The following MEX3A variants were observed in gnomAD, a reference collection of about 807,000 sequenced individuals.
MEX3A encodes RNA-binding protein MEX3A.
In MEX3A, 4 loss-of-function variants were observed where a neutral mutation model predicts 30.0. The ratio of observed to expected loss-of-function variants is 0.13; its 90% confidence interval spans 0.07 to 0.30. MEX3A has a LOEUF of 0.30. Among genes scored for constraint, MEX3A ranks in the 10% least tolerant of loss-of-function variants. The probability of loss-of-function intolerance (pLI) is 1.00; values close to 1 mark genes in which losing one functional copy is unlikely to be tolerated. For synonymous variants in MEX3A, 335 were observed against 327.6 expected (o/e 1.02, Z -0.24); for missense variants, 555 against 736.7 (o/e 0.75, Z 2.86).
rs1382204216 is a variant in MEX3A, at chr1:156,076,454, A to G, written c.*120T>C. The G allele has an allele frequency of 6.7e-6, 7 of 1,042,000 alleles. No homozygotes were observed. The Admixed American group carries it at 2.1e-4, about 32-fold the overall frequency. 64.5% of individuals were successfully genotyped at this position (1,042,000 alleles called of 1,614,324 possible). A position where few individuals can be genotyped will look rare whatever the true frequency, so the allele number is the denominator to read the frequency against. On this transcript the variant is annotated 3_prime_UTR_variant, in exon 2 of 2. Transcript: ENST00000532414. The surrounding 1 kb of genome is among the most constrained non-coding windows in gnomAD (Gnocchi z 6.0). Reference sequence around the variant, plus strand: ...CCACTGCCTCCCTCCCCCCTTCCCCAGCGAGCGAGTATCTCTAAGCACCTT... The same window carrying G: ...CCACTGCCTCCCTCCCCCCTTCCCCGGCGAGCGAGTATCTCTAAGCACCTT...
At chr1:156,079,267 G>A (rs1158028210) in intron 1 of MEX3A, among the ~76,000 whole-genome samples, 1 of 151,896 alleles carries the variant, frequency 6.6e-6, no homozygotes, top group Non-Finnish European at 1.5e-5. Flanking sequence ...AGGCTGGAGT[G>A]CAGTGGCATA....
Position 156,075,944 on chromosome 1 carries a change from G to C in MEX3A, c.*630C>G, listed in dbSNP as rs1572298021. The C allele has an allele frequency of 6.6e-6, 1 of 152,578 alleles. No homozygotes were observed. The highest frequency in any genetic ancestry group is 1.5e-5 in the Non-Finnish European group (1 of 68,194). The allele number at this position is 152,578 out of a possible 1,614,324, so 9.5% of individuals were successfully genotyped here. A position where few individuals can be genotyped will look rare whatever the true frequency, so the allele number is the denominator to read the frequency against. On this transcript the variant is annotated 3_prime_UTR_variant, in exon 2 of 2. Coordinates refer to ENST00000532414, the MANE Select transcript of MEX3A (RefSeq NM_001093725.2). ...AGCTTTGTGGGGACAGATGGCTTCT[G>C]AGCCTTTCAGCCACAGAAACGATTG...
At chr1:156,081,175 G>C (rs1322963620) in intron 1 of MEX3A, among the ~76,000 whole-genome samples, 1 of 152,262 alleles carries the variant, frequency 6.6e-6, no homozygotes, top group Non-Finnish European at 1.5e-5. Flanking sequence ...CCTAGGAGCA[G>C]ATACCAGAGT....
chr1:156,081,123 A>G (rs1648216833), intron 1 of MEX3A, among the ~76,000 whole-genome samples: 1 of 152,056 alleles, frequency 6.6e-6, no homozygotes, highest in Non-Finnish European at 1.5e-5. Context: ...CAAAGTCTGT[A>G]ACTCCAGGCG....
chr1:156,082,012 C>T lies in MEX3A; in HGVS notation c.-14G>A, dbSNP rs977473744. ...TAGACTAGGCATGGCGAAACAAAAG[C>T]TGGGGGAGAGAGAGAGGGAGAGAGA... On this transcript the variant is annotated 5_prime_UTR_variant, in exon 1 of 2. Coordinates refer to ENST00000532414, the MANE Select transcript of MEX3A (RefSeq NM_001093725.2). The T allele has an allele frequency of 3.8e-6, 5 of 1,317,430 alleles. No homozygotes were observed. The African/African-American group carries it at 6.4e-5, about 17-fold the overall frequency. The allele number at this position is 1,317,430 out of a possible 1,614,324, so 81.6% of individuals were successfully genotyped here. A position where few individuals can be genotyped will look rare whatever the true frequency, so the allele number is the denominator to read the frequency against.
chr1:156,081,521 C>T (rs1375887946), intron 1 of MEX3A, 24 bp downstream of exon 1: 2 of 1,597,522 alleles, frequency 1.3e-6, no homozygotes, highest in South Asian at 1.1e-5. Context: ...CAGTCCCTCT[C>T]AGTGGTCCCG....
In MEX3A at chr1:156,077,325, G is replaced by A. The variant is rs1414479211; in HGVS notation, c.812C>T (p.Thr271Met). Residue 271 changes from threonine (T) to methionine (M), a missense_variant, in exon 2 of 2, where the codon ACG becomes ATG. Physicochemically the swap from Thr to Met is moderately conservative, Grantham distance 81 (BLOSUM62 -1). Transcript: ENST00000532414. This position sits in a 1 kb window ranked among gnomAD's most constrained non-coding sequence, Gnocchi z 8.3. ...SRDRDPVFEI[T>M]GAPGNVERAR... ...ACGCTCCACGTTGCCTGGGGCACCC[G>A]TGATCTCGAACACGGGGTCGCGGTC... 1.2e-6 allele frequency: 2 copies of A among 1,613,936 alleles called. No homozygotes were observed. Among genetic ancestry groups the A allele is most frequent in the South Asian group, 1.1e-5 (1 of 91,082 alleles).
chr1:156,078,452 G>A (rs914001125), intron 1 of MEX3A, among the ~76,000 whole-genome samples: 1 of 152,150 alleles, frequency 6.6e-6, no homozygotes, highest in Non-Finnish European at 1.5e-5. Context: ...TGTCCCCTGG[G>A]GGCAAGACAG....
chr1:156,077,405 T>G lies in MEX3A; in HGVS notation c.732A>C (p.Ala244=). Residue 244 remains alanine (A), a synonymous_variant, in exon 2 of 2, where the codon GCA becomes GCC. Coordinates refer to ENST00000532414, the MANE Select transcript of MEX3A (RefSeq NM_001093725.2). The surrounding 1 kb of genome is among the most constrained non-coding windows in gnomAD (Gnocchi z 8.3). ...TTTGCTGCTGGATGCGCTTGATGGT[T>G]GCCCCTTTGGGGCCCACCACCAGCC... is the stretch of plus-strand genomic sequence containing the variant. ...VVGLVVGPKG[A]TIKRIQQQTN... 1 of 1,613,666 alleles carries G rather than the reference T, an allele frequency of 6.2e-7. No individual in the cohort carries two copies. The highest frequency in any genetic ancestry group is 8.5e-7 in the Non-Finnish European group (1 of 1,179,778).
At chr1:156,079,846 G>A (rs563440018) in intron 1 of MEX3A, among the ~76,000 whole-genome samples, 288 of 152,234 alleles carry the variant, frequency 1.9e-3, no homozygotes, top group Non-Finnish European at 3.2e-3. Context: ...AAGAAGAAAC[G>A]CTAGAGGCCT....
Position 156,075,492 on chromosome 1 carries a change from G to A in MEX3A, c.*1082C>T, listed in dbSNP as rs985409851. The stretch of plus-strand genomic sequence containing the variant: ...TATAATGCCCATAGTGATGAAGGTG[G>A]GGGTTTGACCCTTTACCCCAGTATT... On this transcript the variant is annotated 3_prime_UTR_variant, in exon 2 of 2. Coordinates refer to ENST00000532414, the MANE Select transcript of MEX3A (RefSeq NM_001093725.2). 1 of 152,742 alleles carries A rather than the reference G, an allele frequency of 6.5e-6. No homozygotes were observed. Among genetic ancestry groups the A allele is most frequent in the African/African-American group, 2.4e-5 (1 of 41,424 alleles). The allele number at this position is 152,742 out of a possible 1,614,324, so 9.5% of individuals were successfully genotyped here.
chr1:156,077,702 G>C lies in MEX3A; in HGVS notation c.455-20C>G. The C allele has an allele frequency of 1.3e-6, 2 of 1,553,134 alleles. 1 individual carries two copies. The highest frequency in any genetic ancestry group is 3.4e-4 in the Middle Eastern group (2 of 5,832). The stretch of plus-strand genomic sequence containing the variant: ...TGCAGCCTGGGATAGGGCGGGGAAG[G>C]AGAGAGACAAAGAAACGCACACAGC... On this transcript the variant is annotated intron_variant, in intron 1 of 1. Transcript: ENST00000532414. The surrounding 1 kb of genome is among the most constrained non-coding windows in gnomAD (Gnocchi z 8.3).
chr1:156,077,053 C>T lies in MEX3A; in HGVS notation c.1084G>A (p.Asp362Asn), dbSNP rs754390122. 1 of 1,613,774 alleles carries T rather than the reference C, an allele frequency of 6.2e-7. No homozygotes were observed. Among genetic ancestry groups the T allele is most frequent in the Admixed American group, 1.7e-5 (1 of 60,016 alleles). The change falls in exon 2 of 2, where the codon GAC (aspartate) becomes AAC (asparagine). Residue 362 changes from aspartate to asparagine, a missense_variant. This residue lies in a region of MEX3A where 281 missense variants were observed against 265.1 expected (regional missense o/e 1.06). Transcript: ENST00000532414. The surrounding 1 kb of genome is among the most constrained non-coding windows in gnomAD (Gnocchi z 8.3). ...EAPRLGEQGG[D>N]FGYGGYLFPG... ...AAGAGGTACCCGCCGTAGCCAAAGT[C>T]CCCGCCCTGCTCACCCAGGCGTGGG... is the stretch of plus-strand genomic sequence containing the variant.
rs767284212 is a variant in MEX3A, at chr1:156,077,261, A to G, written c.876T>C (p.Thr292=). ...CATTGTTGTACTCGAGGATCTTGCC[A>G]GTGCGCACCGCGATGTGCGTCTCGA... The part of the protein sequence containing the change: ...EEIETHIAVR[T]GKILEYNNEN... Residue 292 remains threonine, a synonymous_variant, in exon 2 of 2, where the codon ACT becomes ACC. Coordinates refer to ENST00000532414, the MANE Select transcript of MEX3A (RefSeq NM_001093725.2). This position sits in a 1 kb window ranked among gnomAD's most constrained non-coding sequence, Gnocchi z 8.3. 6.2e-7 allele frequency: 1 copy of G among 1,613,784 alleles called. No homozygotes were observed. The highest frequency in any genetic ancestry group is 8.5e-7 in the Non-Finnish European group (1 of 1,179,854).
chr1:156,074,532 G>A lies in MEX3A; in HGVS notation c.*2042C>T, dbSNP rs1648004661. ...TATTCGTGTTTTGTGTTTGTTTCTA[G>A]GTTTGGCTCAATTGGTAAGGGTGGG... is the stretch of plus-strand genomic sequence containing the variant. On this transcript the variant is annotated 3_prime_UTR_variant, in exon 2 of 2. Coordinates refer to ENST00000532414, the MANE Select transcript of MEX3A (RefSeq NM_001093725.2). 6.6e-6 allele frequency: 1 copy of A among 151,406 alleles called. No homozygotes were observed. Among genetic ancestry groups the A allele is most frequent in the Non-Finnish European group, 1.5e-5 (1 of 67,862 alleles). 9.4% of individuals were successfully genotyped at this position (151,406 alleles called of 1,614,324 possible).
chr1:156,079,921 AG>A (rs1292970406), intron 1 of MEX3A, among the ~76,000 whole-genome samples: 1 of 152,150 alleles, frequency 6.6e-6, no homozygotes, highest in African/African-American at 2.4e-5. Flanking sequence ...CATCTCTTGA[AG>A]GGAAGACCCA....
At chr1:156,081,401 G>T in intron 1 of MEX3A, 144 bp downstream of exon 1, 2 of 683,362 alleles carry the variant, frequency 2.9e-6, no homozygotes, top group Admixed American at 5.4e-5. Flanking sequence ...GTGGCACTTT[G>T]AAATCAGGGT....
rs1647950032 is a variant in MEX3A at position 156,072,779 on chromosome 1, C to T, written c.*3795G>A. On this transcript the variant is annotated 3_prime_UTR_variant, in exon 2 of 2. Transcript: ENST00000532414. ...GGTCACCCAAAGTCCCTGTGCCTTT[C>T]CCCAGCCTCTGTGCCCATGGGGATG... The T allele has an allele frequency of 6.6e-6, 1 of 152,662 alleles. No individual in the cohort carries two copies. The highest frequency in any genetic ancestry group is 2.4e-5 in the African/African-American group (1 of 41,458). The allele number at this position is 152,662 out of a possible 1,614,324, so 9.5% of individuals were successfully genotyped here. A position where few individuals can be genotyped will look rare whatever the true frequency, so the allele number is the denominator to read the frequency against.
rs370066668 is a variant in MEX3A at position 156,077,228 on chromosome 1, G to T, written c.909C>A (p.Asp303Glu). The change falls in exon 2 of 2, where the codon GAC becomes GAA. Residue 303 changes from aspartate (D) to glutamate (E), a missense_variant. Physicochemically the swap from Asp to Glu is conservative, Grantham distance 45 (BLOSUM62 2). This residue lies in a region of MEX3A where 281 missense variants were observed against 265.1 expected (regional missense o/e 1.06). Transcript: ENST00000532414. This position sits in a 1 kb window ranked among gnomAD's most constrained non-coding sequence, Gnocchi z 8.3. ...GKILEYNNEN[D>E]FLAGSPDAAI... ...CTGCGTCGGGGCTCCCCGCCAGGAA[G>T]TCGTTTTCATTGTTGTACTCGAGGA... is the stretch of plus-strand genomic sequence containing the variant. 6 of 1,613,620 alleles carry T rather than the reference G, an allele frequency of 3.7e-6. No homozygotes were observed.
Sources: gnomAD v4.1 joint callset for allele counts (sites outside exome capture counted in the v4.1 genomes callset) on GRCh38, gnomAD v4.1.1 for gene constraint, gnomAD v4.1.1 regional missense constraint, Gnocchi (gnomAD v3.1) non-coding constraint, MANE v1.5 for transcripts, NCBI Gene and HGNC (gene_info 2026-07-23, HGNC 2026-07-21) for gene names.